WDR27: variants seen among roughly 807,000 people sequenced by gnomAD.
WDR27 encodes the protein WD repeat domain 27.
A neutral mutation model predicts 114.4 loss-of-function variants in WDR27; 100 were observed. The observed-to-expected ratio is 0.87, with a 90% CI of 0.74 to 1.03. The LOEUF is 1.03. Among genes scored for constraint, WDR27 ranks in the 50% least tolerant of loss-of-function variants. The probability of loss-of-function intolerance (pLI) is 0.00; values close to 1 mark genes in which losing one functional copy is unlikely to be tolerated. For missense variants in WDR27, 1,129 were observed against 1,092.9 expected (o/e 1.03, Z -0.47); for synonymous variants, 449 against 423.1 (o/e 1.06, Z -0.75).
intron 2 of WDR27, among the ~76,000 whole-genome samples, chr6:169,683,541 A>AG (rs532974507): frequency 1.1e-4 from 17 of 152,234 alleles, no homozygotes; most frequent in Non-Finnish European, 1.9e-4. Context: ...AAAAAAAAAA[A>AG]CAAGGCAATA....
intron 25 of WDR27, among the ~76,000 whole-genome samples, chr6:169,565,249 A>G (rs1562592752): frequency 6.6e-6 from 1 of 152,362 alleles, no homozygotes; most frequent in East Asian, 1.9e-4. Flanking sequence ...GCCAGTTTCC[A>G]AATGCAAAGC....
intron 24 of WDR27, among the ~76,000 whole-genome samples, chr6:169,574,810 G>C (rs969400772): frequency 6.6e-6 from 1 of 152,198 alleles, no homozygotes; most frequent in African/African-American, 2.4e-5. Context: ...CAGGAAAGGA[G>C]AGCTAGAAGG....
chr6:169,651,024 TAC>T (rs899660601), intron 14 of WDR27, among the ~76,000 whole-genome samples: 1 of 151,982 alleles, frequency 6.6e-6, no homozygotes, highest in East Asian at 1.9e-4. Flanking sequence ...AAGATGTGTT[TAC>T]ACAGAGTGGC....
Position 169,583,300 on chromosome 6 carries a change from G to GA in WDR27, c.2425-367_2425-366insT, listed in dbSNP as rs1562629366. ...CTTACCTTGAAGTTCCAAATTGAAT[G>GA]GAAAAAAAAAAAAAAAAAAGATGCT... On this transcript the variant is annotated intron_variant, in intron 23 of 25. Coordinates refer to ENST00000448612, the MANE Select transcript of WDR27 (RefSeq NM_182552.5). Among the ~76,000 whole-genome samples, 11 of 56,834 alleles carry GA rather than the reference G, an allele frequency of 1.9e-4. 1 individual carries two copies. Among genetic ancestry groups the GA allele is most frequent in the Non-Finnish European group, 4.9e-4 (8 of 16,200 alleles). 37.3% of individuals were successfully genotyped at this position (56,834 alleles called of 152,430 possible).
At chr6:169,616,203 G>A (rs1811788322) in intron 21 of WDR27, among the ~76,000 whole-genome samples, 1 of 152,050 alleles carries the variant, frequency 6.6e-6, no homozygotes, top group Non-Finnish European at 1.5e-5. Context: ...ATTACAAGAA[G>A]AAACTAGCTG....
At chr6:169,652,095 C>T (rs1822746733) in intron 13 of WDR27, 87 bp from the exon 14 acceptor site, 1 of 1,158,216 alleles carries the variant, frequency 8.6e-7, no homozygotes, top group African/African-American at 1.5e-5. Context: ...CTCTTCAAAA[C>T]AGAAACATTC....
At chr6:169,642,695 C>T (rs911175029) in intron 17 of WDR27, among the ~76,000 whole-genome samples, 1 of 152,148 alleles carries the variant, frequency 6.6e-6, no homozygotes, top group African/African-American at 2.4e-5. Flanking sequence ...TGGGTGTTAG[C>T]AAGCAGAGGG....
intron 4 of WDR27, chr6:169,668,494 C>T (rs918828701): frequency 3.6e-6 from 1 of 278,560 alleles, no homozygotes; most frequent in African/African-American, 2.2e-5. Context: ...GGGCTTCCTA[C>T]AAGACAAGAC....
intron 23 of WDR27, among the ~76,000 whole-genome samples, chr6:169,591,728 C>T (rs944838843): frequency 1.3e-5 from 2 of 152,156 alleles, no homozygotes; most frequent in Non-Finnish European, 2.9e-5. Flanking sequence ...GAATACGGCA[C>T]AGGTGTGGTG....
At chr6:169,638,426 T>C in intron 18 of WDR27, 113 bp downstream of exon 18, 1 of 1,350,368 alleles carries the variant, frequency 7.4e-7, no homozygotes. Context: ...TAAAGCAAAC[T>C]CTTGGCTTAC....
At chr6:169,542,615 T>A (rs1216683390) in intron 25 of WDR27, among the ~76,000 whole-genome samples, 1 of 152,114 alleles carries the variant, frequency 6.6e-6, no homozygotes, top group East Asian at 1.9e-4. Context: ...GTAGAGTAGA[T>A]AAATAGATAA....
At chr6:169,564,893 T>A (rs1394546453) in intron 25 of WDR27, among the ~76,000 whole-genome samples, 1 of 152,150 alleles carries the variant, frequency 6.6e-6, no homozygotes, top group Non-Finnish European at 1.5e-5. Flanking sequence ...CGCGTCCTCA[T>A]GCCAACACCC....
chr6:169,529,687 C>T (rs1026409077), intron 25 of WDR27, among the ~76,000 whole-genome samples: 3 of 151,946 alleles, frequency 2.0e-5, no homozygotes, highest in South Asian at 2.1e-4. Context: ...TCAAATGGAC[C>T]ACCATTTAAA....
intron 25 of WDR27, among the ~76,000 whole-genome samples, chr6:169,551,506 G>A (rs1798088820): frequency 6.6e-6 from 1 of 152,030 alleles, no homozygotes; most frequent in Non-Finnish European, 1.5e-5. Flanking sequence ...AGGCCAAGGT[G>A]GATGGATTAC....
chr6:169,667,233 A>G (rs768296908), intron 5 of WDR27, 46 bp from the exon 6 acceptor site: 5 of 1,446,528 alleles, frequency 3.5e-6, no homozygotes, highest in Non-Finnish European at 4.5e-6. Context: ...CAACGTTGCC[A>G]TTATTGCAAC....
chr6:169,697,540 C>T (rs925486019), intron 1 of WDR27, among the ~76,000 whole-genome samples: 3 of 152,226 alleles, frequency 2.0e-5, no homozygotes, highest in Admixed American at 6.5e-5. Flanking sequence ...TAACCATCTC[C>T]GTGATGCTGT....
At chr6:169,666,416 C>T (rs3055) in intron 6 of WDR27, 326,174 of 985,074 alleles carry the variant, frequency 0.33, 64,903 homozygotes, top group East Asian at 0.95. Context: ...ATGTCACTTA[C>T]CGCATGGAAG....
chr6:169,648,925 C>A (rs750889880), intron 15 of WDR27, among the ~76,000 whole-genome samples: 1 of 152,214 alleles, frequency 6.6e-6, no homozygotes, highest in African/African-American at 2.4e-5. Flanking sequence ...GGAGGAGCAT[C>A]GGCTACGGCA....
chr6:169,553,096 A>G (rs369414640), intron 25 of WDR27, among the ~76,000 whole-genome samples: 418 of 25,402 alleles, frequency 0.016, no homozygotes, highest in Non-Finnish European at 0.026. Context: ...GTGTGTGTGT[A>G]TGCAGGGAGG....
Sources: gnomAD v4.1 joint callset for allele counts (sites outside exome capture counted in the v4.1 genomes callset) on GRCh38, gnomAD v4.1.1 for gene constraint, MANE v1.5 for transcripts, NCBI Gene and HGNC (gene_info 2026-07-23, HGNC 2026-07-21) for gene names.